The following VPS13D variants were observed in gnomAD, a reference collection of about 807,000 sequenced individuals.
VPS13D encodes intermembrane lipid transfer protein VPS13D.
VPS13D carries 187 observed loss-of-function variants against 461.9 expected under a neutral mutation model. That is an observed-to-expected ratio of 0.40 (90% CI 0.36 to 0.46). The LOEUF (loss-of-function observed/expected upper bound fraction) is 0.46, where lower values mean the gene tolerates loss of function less well. Among genes scored for constraint, VPS13D ranks in the 20% least tolerant of loss-of-function variants. The pLI, the probability that VPS13D is intolerant of heterozygous loss-of-function variation, is 0.60. For synonymous variants in VPS13D, 1,951 were observed against 1,986.3 expected, an observed-to-expected ratio of 0.98 and a Z score of 0.47; for missense variants, 4,711 against 5,364.9, an observed-to-expected ratio of 0.88 and a Z score of 3.81.
Position 12,338,202 on chromosome 1 carries a change from C to T in VPS13D, c.8552-29C>T, listed in dbSNP as rs542421338. 3.2e-6 allele frequency: 5 copies of T among 1,578,774 alleles called. No homozygotes were observed. The South Asian group carries it at 5.5e-5, about 17-fold the overall frequency. On this transcript the variant is annotated intron_variant, in intron 39 of 69. Coordinates refer to ENST00000620676, the MANE Select transcript of VPS13D (RefSeq NM_015378.4). ...CTTATTTCACTGTATTTATTCTTAGCCTCTAACTTTGTCTCTCCTGTCTAC... is the reference window on the plus strand; with the variant it reads ...CTTATTTCACTGTATTTATTCTTAGTCTCTAACTTTGTCTCTCCTGTCTAC...
rs1438811664 is a variant in VPS13D, at chr1:12,400,171, A to G, written c.11635-10A>G. 1.1e-5 allele frequency: 18 copies of G among 1,611,028 alleles called. No homozygotes were observed. The highest frequency in any genetic ancestry group is 1.4e-5 in the Non-Finnish European group (16 of 1,178,424). On this transcript the variant is annotated splice_polypyrimidine_tract_variant and intron_variant, in intron 60 of 69. Transcript: ENST00000620676. ...TTTGTTTTTGCTTTGCTACCTTTCCATGGCCGTAGGTGGACAATCAGCTCA... is the reference window on the plus strand; with the variant it reads ...TTTGTTTTTGCTTTGCTACCTTTCCGTGGCCGTAGGTGGACAATCAGCTCA...
chr1:12,392,743 A>G (rs1644444566), intron 60 of VPS13D, among the ~76,000 whole-genome samples: 1 of 152,054 alleles, frequency 6.6e-6, no homozygotes, highest in Non-Finnish European at 1.5e-5. Flanking sequence ...CTCTGCTGTG[A>G]TTCACCTATG....
chr1:12,349,280 C>T lies in VPS13D; in HGVS notation c.9337C>T (p.Pro3113Ser), dbSNP rs773808320. The T allele has an allele frequency of 2.5e-6, 4 of 1,614,128 alleles. No individual in the cohort carries two copies. The highest frequency in any genetic ancestry group is 1.1e-5 in the South Asian group (1 of 91,072). ...ATTGGGTGTATTTTTCTGTAAGGCT[C>T]CCATTCATTGGACCAATGTAGTGAA... The part of the protein sequence containing the change: ...KGLGVFFCKA[P>S]IHWTNVVKTA... Residue 3113 changes from proline to serine, a missense_variant, in exon 46 of 70, where the codon CCC becomes TCC. Pro to Ser is a moderately conservative substitution (Grantham distance 74). Coordinates refer to ENST00000620676, the MANE Select transcript of VPS13D (RefSeq NM_015378.4).
rs1459185927 is a variant in VPS13D at position 12,242,553 on chromosome 1, C to G, written c.138C>G (p.Ala46=). The change falls in exon 3 of 70, where the codon GCC becomes GCG. Residue 46 remains alanine (A), a synonymous_variant. Coordinates refer to ENST00000620676, the MANE Select transcript of VPS13D (RefSeq NM_015378.4). ...ELENLPLKKD[A]LKELELPFEV... ...AAAACTTGCCATTAAAGAAAGATGC[C>G]TTGAAAGAATTGGAATTACCATTTG... is the stretch of plus-strand genomic sequence containing the variant. 6.2e-7 allele frequency: 1 copy of G among 1,614,068 alleles called. No individual in the cohort carries two copies. Among genetic ancestry groups the G allele is most frequent in the South Asian group, 1.1e-5 (1 of 91,078 alleles).
At position 12,329,871 on chromosome 1, in the gene VPS13D, A is replaced by C; in HGVS notation, c.8240A>C (p.Tyr2747Ser). Residue 2747 changes from tyrosine (Y) to serine (S), a missense_variant, in exon 37 of 70, where the codon TAT (tyrosine) becomes TCT (serine). By Grantham distance (144) the Tyr-to-Ser change is moderately radical (BLOSUM62 -2). This residue lies in a region of VPS13D where 4,411 missense variants were observed against 4,937.8 expected (regional missense o/e 0.89). Transcript: ENST00000620676. ...CGTGTAAGAACTAGCCCTGAAGGCT[A>C]TGCCCACTTCACCCTTTCTGGAGAT... ...LQRVRTSPEG[Y>S]AHFTLSGDYY... 1.2e-6 allele frequency: 2 copies of C among 1,614,156 alleles called. No homozygotes were observed. The highest frequency in any genetic ancestry group is 1.7e-6 in the Non-Finnish European group (2 of 1,180,010).
rs573446681 is a variant in VPS13D at position 12,457,690 on chromosome 1, A to G, written c.12466+1560A>G. Reference sequence around the variant, plus strand: ...TATTATATTTCTATTTGTGCTTAGGACACGTTTAGAATAGAGTTTTTGTTT... The same window carrying G: ...TATTATATTTCTATTTGTGCTTAGGGCACGTTTAGAATAGAGTTTTTGTTT... On this transcript the variant is annotated intron_variant, in intron 66 of 69. Transcript: ENST00000620676. 2.6e-5 allele frequency among the ~76,000 whole-genome samples: 4 copies of G among 152,326 alleles called. No individual in the cohort carries two copies. In the South Asian group the frequency reaches 8.3e-4, roughly 32 times the overall value.
intron 52 of VPS13D, chr1:12,367,620 GCTGGAGTGCAGTGGCACAATCTCGGCTCC>G (rs1644055740): frequency 6.7e-6 from 1 of 149,810 alleles, no homozygotes; most frequent in African/African-American, 2.5e-5. Flanking sequence ...AGTCGCCCAG[GCTGGAGTGCAGTGGCACAATCTCGGCTCC>G]CTGGAGTGCA....
intron 67 of VPS13D, among the ~76,000 whole-genome samples, chr1:12,493,525 T>C (rs1570280001): frequency 6.7e-6 from 1 of 149,520 alleles, no homozygotes; most frequent in South Asian, 2.1e-4. Context: ...TCCCTCCAGG[T>C]GCTCATAGGC....
intron 65 of VPS13D, among the ~76,000 whole-genome samples, chr1:12,417,664 T>A (rs192970156): frequency 6.6e-6 from 1 of 152,272 alleles, no homozygotes; most frequent in East Asian, 1.9e-4. Context: ...ACCAAAGAGA[T>A]CTTTGTGGCA....
intron 65 of VPS13D, among the ~76,000 whole-genome samples, chr1:12,444,987 A>G (rs917293736): frequency 6.6e-6 from 1 of 152,184 alleles, no homozygotes; most frequent in South Asian, 2.1e-4. Context: ...CAAGGGGTAA[A>G]TATTAGCAGG....
intron 65 of VPS13D, among the ~76,000 whole-genome samples, chr1:12,448,818 C>T (rs574899598): frequency 1.3e-5 from 2 of 152,324 alleles, no homozygotes; most frequent in South Asian, 4.1e-4. Context: ...GGGAATGCTT[C>T]AAACCACTCT....
chr1:12,271,132 G>T lies in VPS13D; in HGVS notation c.2103+8G>T, dbSNP rs756110960. 9 of 1,613,668 alleles carry T rather than the reference G, an allele frequency of 5.6e-6. No homozygotes were observed. The Admixed American group carries it at 1.2e-4, about 21-fold the overall frequency. On this transcript the variant is annotated splice_region_variant and intron_variant, in intron 17 of 69. Coordinates refer to ENST00000620676, the MANE Select transcript of VPS13D (RefSeq NM_015378.4). Reference sequence around the variant, plus strand: ...CTAGTGGGTGATTTCATTGTAAGTGGGCATCCATAAACACTCTTTGGGGAT... The same window carrying T: ...CTAGTGGGTGATTTCATTGTAAGTGTGCATCCATAAACACTCTTTGGGGAT...
In VPS13D at chr1:12,273,195, A is replaced by T. The variant is rs1641506130; in HGVS notation, c.2236+60A>T. On this transcript the variant is annotated intron_variant, in intron 18 of 69. Transcript: ENST00000620676. ...TTGGTAGATGGATGATCTATCTATG[A>T]TTATCTAAGTAAAGCTTAATAAAAT... 3 of 1,559,652 alleles carry T rather than the reference A, an allele frequency of 1.9e-6. No individual in the cohort carries two copies. In the East Asian group the frequency reaches 6.9e-5, roughly 36 times the overall value.
At chr1:12,413,981 G>A (rs930641373) in intron 63 of VPS13D, among the ~76,000 whole-genome samples, 1 of 152,218 alleles carries the variant, frequency 6.6e-6, no homozygotes, top group African/African-American at 2.4e-5. Flanking sequence ...ATGCATAAAT[G>A]TGCCCCAAAA....
chr1:12,247,298 A>G (rs1283410041), intron 5 of VPS13D, among the ~76,000 whole-genome samples: 1 of 151,910 alleles, frequency 6.6e-6, no homozygotes, highest in Admixed American at 6.6e-5. Context: ...GTGTCGTCCC[A>G]GCTACTTGGT....
At chr1:12,300,543 G>C (rs1183818109) in intron 25 of VPS13D, among the ~76,000 whole-genome samples, 1 of 152,062 alleles carries the variant, frequency 6.6e-6, no homozygotes, top group Non-Finnish European at 1.5e-5. Flanking sequence ...AATTCGCTTA[G>C]GATTATGGCT....
intron 13 of VPS13D, among the ~76,000 whole-genome samples, chr1:12,264,232 CCTGAGACACA>C (rs1641200073): frequency 6.6e-6 from 1 of 152,136 alleles, no homozygotes; most frequent in Non-Finnish European, 1.5e-5. Flanking sequence ...CTCCCTATTA[CCTGAGACACA>C]ATGTTGAAAT....
intron 68 of VPS13D, among the ~76,000 whole-genome samples, chr1:12,506,043 CA>C (rs1425159020): frequency 6.6e-6 from 1 of 152,216 alleles, no homozygotes; most frequent in African/African-American, 2.4e-5. Flanking sequence ...GTATTCCTGC[CA>C]CTGTCCATCC....
intron 67 of VPS13D, among the ~76,000 whole-genome samples, chr1:12,466,807 C>T (rs998745345): frequency 6.6e-6 from 1 of 152,166 alleles, no homozygotes; most frequent in African/African-American, 2.4e-5. Flanking sequence ...GTTAACATGT[C>T]AGTTTCATCA....
Sources: allele counts gnomAD v4.1 joint callset (sites outside exome capture counted in the v4.1 genomes callset), GRCh38; gene constraint gnomAD v4.1.1; regional missense constraint gnomAD v4.1.1; transcripts MANE v1.5; gene names NCBI Gene and HGNC (gene_info 2026-07-23, HGNC 2026-07-21).